The following ABLIM1 variants were observed in gnomAD, a reference collection of about 807,000 sequenced individuals.
ABLIM1 encodes actin binding LIM protein 1.
ABLIM1 carries 40 observed loss-of-function variants against 107.0 expected under a neutral mutation model. That is an observed-to-expected ratio of 0.37 (90% CI 0.29 to 0.49). The LOEUF (loss-of-function observed/expected upper bound fraction) is 0.49, where lower values mean the gene tolerates loss of function less well. ABLIM1 is among the 20% of genes least tolerant of loss of function. ABLIM1 has a pLI of 0.97. For synonymous variants in ABLIM1, 357 were observed against 357.3 expected, an observed-to-expected ratio of 1.00 and a Z score of 0.01; for missense variants, 857 against 1,008.5, an observed-to-expected ratio of 0.85 and a Z score of 2.04.
rs746512742 is a variant in ABLIM1 at position 114,435,207 on chromosome 10, A to G, written c.*1053T>C. The G allele has an allele frequency of 1.3e-5, 2 of 152,230 alleles. No homozygotes were observed. The highest frequency in any genetic ancestry group is 2.9e-5 in the Non-Finnish European group (2 of 68,052). 9.4% of individuals were successfully genotyped at this position (152,230 alleles called of 1,614,324 possible). On this transcript the variant is annotated 3_prime_UTR_variant, in exon 23 of 23. Transcript: ENST00000533213. ...TTGCAGAGATTTAAAAGAGAAAAAC[A>G]TGTCTTTCCTTAGCCTATTATTGAA... is the stretch of plus-strand genomic sequence containing the variant.
chr10:114,482,586 G>A (rs184492945), intron 8 of ABLIM1, among the ~76,000 whole-genome samples: 9 of 152,258 alleles, frequency 5.9e-5, no homozygotes, highest in Non-Finnish European at 1.0e-4. Context: ...TTCTTCAATC[G>A]CCAACGGGTG....
intron 2 of ABLIM1, among the ~76,000 whole-genome samples, chr10:114,582,604 C>T (rs1372642020): frequency 5.3e-5 from 8 of 152,152 alleles, no homozygotes; most frequent in Admixed American, 5.2e-4. Context: ...TATCTGACTT[C>T]AAACTATACT....
At chr10:114,492,988 C>A (rs1192021682) in intron 6 of ABLIM1, among the ~76,000 whole-genome samples, 1 of 152,202 alleles carries the variant, frequency 6.6e-6, no homozygotes, top group Admixed American at 6.5e-5. Flanking sequence ...GAATAAAAAT[C>A]TTTTCAGTGG....
intron 3 of ABLIM1, among the ~76,000 whole-genome samples, chr10:114,572,183 T>C (rs2071782413): frequency 1.3e-5 from 2 of 152,216 alleles, no homozygotes; most frequent in Non-Finnish European, 2.9e-5. Flanking sequence ...GCCCACTCAC[T>C]TGCCCTTGGC....
the ABLIM1 span, among the ~76,000 whole-genome samples, chr10:114,800,441 A>G: frequency 6.6e-6 from 1 of 152,246 alleles, no homozygotes; most frequent in Non-Finnish European, 1.5e-5. Flanking sequence ...GGAATGCACC[A>G]TTCTGTAAAT....
intron 1 of ABLIM1, among the ~76,000 whole-genome samples, chr10:114,725,468 A>T (rs972551098): frequency 3.3e-5 from 5 of 152,176 alleles, no homozygotes; most frequent in South Asian, 2.1e-4. Context: ...CAAAACCCCA[A>T]GGGAGATTAT....
the ABLIM1 span, among the ~76,000 whole-genome samples, chr10:114,788,345 A>AAAT: frequency 1.8e-5 from 2 of 111,064 alleles, no homozygotes; most frequent in East Asian, 3.7e-4. Flanking sequence ...AAAAAAAAAA[A>AAAT]AAATAAATAA....
chr10:114,776,742 T>C, the ABLIM1 span, among the ~76,000 whole-genome samples: 1 of 152,342 alleles, frequency 6.6e-6, no homozygotes, highest in East Asian at 1.9e-4. Flanking sequence ...GCCTCCCAAG[T>C]AGCTTGGACT....
chr10:114,439,950 G>A, intron 20 of ABLIM1, 132 bp downstream of exon 20: 1 of 1,479,712 alleles, frequency 6.8e-7, no homozygotes, highest in East Asian at 2.4e-5. Context: ...CGGCTATAGA[G>A]TAATGACTAG....
At chr10:114,768,546 CT>C (rs1471698476), upstream of ABLIM1, among the ~76,000 whole-genome samples, 1 of 152,168 alleles carries the variant, frequency 6.6e-6, no homozygotes. Context: ...AAGTGATGCC[CT>C]TGACAGGAGA....
rs180832891 is a variant in ABLIM1 at position 114,588,594 on chromosome 10, A to C, written c.380-12995T>G. 7.4e-3 allele frequency among the ~76,000 whole-genome samples: 1,035 copies of C among 140,804 alleles called. 11 individuals are homozygous for C. The highest frequency in any genetic ancestry group is 0.026 in the African/African-American group (990 of 37,606). 92.4% of individuals were successfully genotyped at this position (140,804 alleles called of 152,430 possible). On this transcript the variant is annotated intron_variant, in intron 2 of 22. Transcript: ENST00000533213. ...ACTGCAACCTCTACCTCCACAGTTC[A>C]AGCAATTCTCCTTCCTCAGCCTCCT...
chr10:114,466,247 C>T (rs977548397), intron 11 of ABLIM1, among the ~76,000 whole-genome samples: 8 of 152,126 alleles, frequency 5.3e-5, no homozygotes, highest in African/African-American at 1.9e-4. Flanking sequence ...GAGTTCGAGG[C>T]TGCAGTAAAC....
chr10:114,476,130 C>T, intron 8 of ABLIM1, among the ~76,000 whole-genome samples: 1 of 152,192 alleles, frequency 6.6e-6, no homozygotes, highest in East Asian at 1.9e-4. Context: ...GCCAATGCCC[C>T]TGGTATCTTT....
At chr10:114,474,426 G>A (rs1014628209) in intron 8 of ABLIM1, among the ~76,000 whole-genome samples, 7 of 140,630 alleles carry the variant, frequency 5.0e-5, no homozygotes, top group African/African-American at 1.9e-4. Flanking sequence ...TGTCGCCCAG[G>A]CTGGAGTGCA....
intron 1 of ABLIM1, chr10:114,631,937 G>C: frequency 1.5e-6 from 2 of 1,304,360 alleles, no homozygotes; most frequent in Non-Finnish European, 2.0e-6. Flanking sequence ...GTCCTCCGAC[G>C]AGCAGGACTG....
intron 1 of ABLIM1, among the ~76,000 whole-genome samples, chr10:114,633,320 G>A (rs2078295342): frequency 6.6e-6 from 1 of 152,068 alleles, no homozygotes; most frequent in African/African-American, 2.4e-5. Context: ...GGGGAGAAGC[G>A]GGAAAAATGC....
At chr10:114,466,807 A>G (rs527933851) in intron 11 of ABLIM1, among the ~76,000 whole-genome samples, 1 of 152,348 alleles carries the variant, frequency 6.6e-6, no homozygotes, top group Admixed American at 6.5e-5. Context: ...TAGTACTACT[A>G]TTCATAAAGG....
At chr10:114,462,110 G>A (rs534517602) in intron 12 of ABLIM1, among the ~76,000 whole-genome samples, 164 of 152,178 alleles carry the variant, frequency 1.1e-3, no homozygotes, top group African/African-American at 3.4e-3. Flanking sequence ...AAAAAGCTTC[G>A]GTAGACTGAC....
intron 1 of ABLIM1, among the ~76,000 whole-genome samples, chr10:114,692,576 G>C (rs889546670): frequency 5.3e-5 from 8 of 152,054 alleles, no homozygotes; most frequent in African/African-American, 1.9e-4. Flanking sequence ...AATTCAAAAG[G>C]ATAAAGTATT....
Sources: gnomAD v4.1 joint callset for allele counts (sites outside exome capture counted in the v4.1 genomes callset) on GRCh38, gnomAD v4.1.1 for gene constraint, MANE v1.5 for transcripts, NCBI Gene and HGNC (gene_info 2026-07-23, HGNC 2026-07-21) for gene names.